GRIP1: variants seen among roughly 807,000 people sequenced by gnomAD.
GRIP1 encodes the protein glutamate receptor interacting protein 1, also known as glutamate receptor-interacting protein 1.
A neutral mutation model predicts 129.9 loss-of-function variants in GRIP1; 45 were observed. That is an observed-to-expected ratio of 0.35 (90% CI 0.27 to 0.44). The LOEUF (loss-of-function observed/expected upper bound fraction) is 0.44. Ranked by LOEUF, GRIP1 falls within the 20% of genes least tolerant of loss-of-function variation. The pLI is 1.00. For synonymous variants in GRIP1, 530 were observed against 520.8 expected, an observed-to-expected ratio of 1.02 and a Z score of -0.24; for missense variants, 1,196 against 1,396.8, an observed-to-expected ratio of 0.86 and a Z score of 2.29.
chr12:66,965,703 T>C (rs1649135896), intron 1 of GRIP1, among the ~76,000 whole-genome samples: 1 of 152,006 alleles, frequency 6.6e-6, no homozygotes, highest in Non-Finnish European at 1.5e-5. Context: ...CCAGGCTATT[T>C]TCTCTTTTCA....
intron 1 of GRIP1, among the ~76,000 whole-genome samples, chr12:66,779,041 G>A (rs1386536670): frequency 6.6e-6 from 1 of 152,148 alleles, no homozygotes; most frequent in Non-Finnish European, 1.5e-5. Context: ...CCCAAAAAGA[G>A]AAATTCAAAG....
At chr12:66,968,675 G>T in intron 1 of GRIP1, among the ~76,000 whole-genome samples, 1 of 151,984 alleles carries the variant, frequency 6.6e-6, no homozygotes. Flanking sequence ...TGACATTGTT[G>T]TCATTCATTT....
chr12:66,692,597 T>C (rs1006639012), intron 1 of GRIP1, among the ~76,000 whole-genome samples: 2 of 152,014 alleles, frequency 1.3e-5, no homozygotes, highest in Non-Finnish European at 2.9e-5. Flanking sequence ...GAAAATGAGA[T>C]GATGAGATGG....
chr12:66,542,011 C>T (rs2061796921), intron 2 of GRIP1, 61 bp from the exon 3 acceptor site: 1 of 1,477,730 alleles, frequency 6.8e-7, no homozygotes, highest in Admixed American at 1.7e-5. Context: ...TGTCATTTCT[C>T]CTCCCCAGAA....
chr12:66,896,489 A>AC (rs2040750688), intron 1 of GRIP1, among the ~76,000 whole-genome samples: 1 of 149,594 alleles, frequency 6.7e-6, no homozygotes, highest in Admixed American at 6.7e-5. Flanking sequence ...TGAAAAAAAA[A>AC]AAAAAAACTT....
At chr12:66,679,238 C>T, upstream of GRIP1, 1 of 843,748 alleles carries the variant, frequency 1.2e-6, no homozygotes, top group Non-Finnish European at 1.6e-6. Context: ...TTCCATAAAT[C>T]TAACGCTAAG....
rs114306474 is a variant in GRIP1, at chr12:67,041,837, G to C, written c.58+27213C>G. Among the ~76,000 whole-genome samples, 496 of 152,068 alleles carry C rather than the reference G, an allele frequency of 3.3e-3. 8 individuals carry two copies. The highest frequency in any genetic ancestry group is 0.011 in the African/African-American group (474 of 41,500). On this transcript the variant is annotated intron_variant, in intron 1 of 1. Transcript: ENST00000643019. ...TTTTAATGCTGCATTTGTATAGGCT[G>C]TAAGTTCCTTGATGGCATATACAAA... is the stretch of plus-strand genomic sequence containing the variant.
intron 14 of GRIP1, among the ~76,000 whole-genome samples, chr12:66,431,578 A>G (rs2058149348): frequency 6.6e-6 from 1 of 152,194 alleles, no homozygotes; most frequent in Non-Finnish European, 1.5e-5. Context: ...TGCCTGAACC[A>G]CTGACAGAAA....
intron 1 of GRIP1, among the ~76,000 whole-genome samples, chr12:66,880,047 G>A (rs1252275): frequency 0.8 from 121,461 of 152,014 alleles, 51,362 homozygotes; most frequent in Non-Finnish European, 0.93. Flanking sequence ...GTGCAGGGGC[G>A]AGAAGGAAAT....
At chr12:67,030,221 A>AATG (rs2135775486) in intron 1 of GRIP1, among the ~76,000 whole-genome samples, 1 of 149,860 alleles carries the variant, frequency 6.7e-6, no homozygotes, top group South Asian at 2.1e-4. Context: ...AAATAATAAT[A>AATG]ATAATAATAA....
chr12:66,431,477 A>C (rs537154626), intron 14 of GRIP1, among the ~76,000 whole-genome samples: 1 of 152,306 alleles, frequency 6.6e-6, no homozygotes, highest in Non-Finnish European at 1.5e-5. Context: ...TATAAATAAA[A>C]TTTCATTTTT....
chr12:66,549,447 A>G (rs545414704), intron 2 of GRIP1, among the ~76,000 whole-genome samples: 1 of 152,256 alleles, frequency 6.6e-6, no homozygotes, highest in Non-Finnish European at 1.5e-5. Context: ...ATTGAAAAAA[A>G]TATTATTGCT....
At chr12:66,636,465 T>C (rs1003814382) in intron 1 of GRIP1, among the ~76,000 whole-genome samples, 4 of 152,172 alleles carry the variant, frequency 2.6e-5, no homozygotes, top group African/African-American at 9.7e-5. Flanking sequence ...ATCCACTAGA[T>C]TGAAAACAAA....
intron 7 of GRIP1, among the ~76,000 whole-genome samples, chr12:66,487,151 T>C (rs983895087): frequency 1.3e-5 from 2 of 152,100 alleles, no homozygotes; most frequent in African/African-American, 4.8e-5. Context: ...ACTTTGTACA[T>C]ACCATCATGG....
intron 1 of GRIP1, among the ~76,000 whole-genome samples, chr12:66,988,806 T>A (rs1347486387): frequency 6.6e-6 from 1 of 152,206 alleles, no homozygotes; most frequent in East Asian, 1.9e-4. Context: ...AGGGAGTTAA[T>A]TAAGTTAAAT....
intron 1 of GRIP1, among the ~76,000 whole-genome samples, chr12:67,068,322 G>A (rs959910580): frequency 1.3e-5 from 2 of 152,334 alleles, no homozygotes; most frequent in African/African-American, 4.8e-5. Flanking sequence ...ACCAGGCAGA[G>A]AGCCGCCTTT....
At chr12:66,680,550 T>C (rs570178894), upstream of GRIP1, among the ~76,000 whole-genome samples, 1 of 152,206 alleles carries the variant, frequency 6.6e-6, no homozygotes, top group East Asian at 1.9e-4. Flanking sequence ...TTGTTCTGAT[T>C]AGCATAAATC....
intron 2 of GRIP1, among the ~76,000 whole-genome samples, chr12:66,561,301 T>C (rs1021190751): frequency 1.3e-5 from 2 of 152,122 alleles, no homozygotes; most frequent in African/African-American, 4.8e-5. Context: ...TCGATAATAA[T>C]TGTACATCTT....
chr12:66,455,425 T>C lies in GRIP1; in HGVS notation c.1338A>G (p.Lys446=). 6.2e-7 allele frequency: 1 copy of C among 1,614,236 alleles called. No homozygotes were observed. The highest frequency in any genetic ancestry group is 8.5e-7 in the Non-Finnish European group (1 of 1,180,028). Residue 446 remains lysine, a synonymous_variant, in exon 11 of 25, where the codon AAA becomes AAG. Coordinates refer to ENST00000359742, the MANE Select transcript of GRIP1 (RefSeq NM_001366722.1). The part of the protein sequence containing the change: ...GTMMRRRLKK[K]DFKSSLSLAS... ...TTCACTTACATGAGCTTTTGAAGTC[T>C]TTCTTTTTCAGTCTCCTCCTCATCA...
Sources: gnomAD v4.1 joint callset for allele counts (sites outside exome capture counted in the v4.1 genomes callset) on GRCh38, gnomAD v4.1.1 for gene constraint, MANE v1.5 for transcripts, NCBI Gene and HGNC (gene_info 2026-07-23, HGNC 2026-07-21) for gene names.